Variants in MAFK observed in about 807,000 individuals in gnomAD.
MAFK encodes transcription factor MafK.
Under a neutral mutation model 9.2 loss-of-function variants are expected in MAFK, and 1 was observed. The ratio of observed to expected loss-of-function variants is 0.11; its 90% confidence interval spans 0.04 to 0.52. The LOEUF (loss-of-function observed/expected upper bound fraction) is 0.52. Ranked by LOEUF, MAFK falls within the 20% of genes least tolerant of loss-of-function variation. The probability of loss-of-function intolerance (pLI) is 0.94; values close to 1 mark genes in which losing one functional copy is unlikely to be tolerated. For missense variants in MAFK, 207 were observed against 236.0 expected (o/e 0.88, Z 0.81); for synonymous variants, 110 against 107.4 (o/e 1.02, Z -0.15).
chr7:1,535,336 C>T (rs1440795470), intron 1 of MAFK, among the ~76,000 whole-genome samples: 3 of 152,086 alleles, frequency 2.0e-5, no homozygotes, highest in Non-Finnish European at 4.4e-5. Context: ...CCATGGGTGA[C>T]CAGTGAGTAT....
At position 1,534,237 on chromosome 7, in the gene MAFK, ATCC is replaced by A; in HGVS notation, c.-45+3342_-45+3344del. 3 of 455,498 alleles carry A rather than the reference ATCC, an allele frequency of 6.6e-6. No individual in the cohort carries two copies. The highest frequency in any genetic ancestry group is 4.4e-6 in the Non-Finnish European group (1 of 226,420). 28.2% of individuals were successfully genotyped at this position (455,498 alleles called of 1,614,324 possible). A position where few individuals can be genotyped will look rare whatever the true frequency, so the allele number is the denominator to read the frequency against. On this transcript the variant is annotated intron_variant, in intron 1 of 2. Coordinates refer to ENST00000343242, the MANE Select transcript of MAFK (RefSeq NM_002360.4). This position sits in a 1 kb window ranked among gnomAD's most constrained non-coding sequence, Gnocchi z 4.3. ...GGGGGCCCTCGCAGTGTAGGACCTC[ATCC>A]TCAGTAGGAAGGGTGTCTGGCTGGT...
intron 1 of MAFK, chr7:1,537,507 C>T (rs901698272): frequency 1.2e-5 from 12 of 985,366 alleles, no homozygotes; most frequent in African/African-American, 7.0e-5. Context: ...CCCACGGTGG[C>T]GGAGGCAGCT....
chr7:1,542,311 A>G lies in MAFK; in HGVS notation c.*1936A>G, dbSNP rs934086399. ...CTTTCTTTTCCAGTTTGATACTGTAAATCTATCAGAGCAGAGCCGGGGGCA... is the reference window on the plus strand; with the variant it reads ...CTTTCTTTTCCAGTTTGATACTGTAGATCTATCAGAGCAGAGCCGGGGGCA... On this transcript the variant is annotated 3_prime_UTR_variant, in exon 3 of 3. Transcript: ENST00000343242. 1.8e-4 allele frequency: 27 copies of G among 152,634 alleles called. No individual in the cohort carries two copies. Among genetic ancestry groups the G allele is most frequent in the African/African-American group, 6.5e-4 (27 of 41,474 alleles). 9.5% of individuals were successfully genotyped at this position (152,634 alleles called of 1,614,324 possible).
chr7:1,534,873 C>T lies in MAFK; in HGVS notation c.-45+3975C>T, dbSNP rs542438879. On this transcript the variant is annotated intron_variant, in intron 1 of 2. Coordinates refer to ENST00000343242, the MANE Select transcript of MAFK (RefSeq NM_002360.4). This position sits in a 1 kb window ranked among gnomAD's most constrained non-coding sequence, Gnocchi z 4.3. Reference sequence around the variant, plus strand: ...GGACCGTTCAGAGGGGTCATCCAGCCGTCAGCTGCTCAACTCACTTTTGCA... The same window carrying T: ...GGACCGTTCAGAGGGGTCATCCAGCTGTCAGCTGCTCAACTCACTTTTGCA... The T allele has an allele frequency of 5.3e-5, 16 of 302,900 alleles. No individual in the cohort carries two copies. The highest frequency in any genetic ancestry group is 8.4e-4 in the Middle Eastern group (2 of 2,390). 18.8% of individuals were successfully genotyped at this position (302,900 alleles called of 1,614,324 possible).
Position 1,540,369 on chromosome 7 carries a change from A to T in MAFK, c.465A>T (p.Ala155=). Reference sequence around the variant, plus strand: ...CCACCTCCGTGCCCTTCTCGGCTGCATCCTAGTGCCGGCCGGGGGCGGGGG... The same window carrying T: ...CCACCTCCGTGCCCTTCTCGGCTGCTTCCTAGTGCCGGCCGGGGGCGGGGG... ...LSSTSVPFSA[A]S Residue 155 remains alanine, a synonymous_variant, in exon 3 of 3, where the codon GCA becomes GCT. Coordinates refer to ENST00000343242, the MANE Select transcript of MAFK (RefSeq NM_002360.4). 1 of 1,459,544 alleles carries T rather than the reference A, an allele frequency of 6.9e-7. No individual in the cohort carries two copies. The highest frequency in any genetic ancestry group is 1.5e-5 in the African/African-American group (1 of 67,794). 90.4% of individuals were successfully genotyped at this position (1,459,544 alleles called of 1,614,324 possible). A position where few individuals can be genotyped will look rare whatever the true frequency, so the allele number is the denominator to read the frequency against.
At position 1,540,393 on chromosome 7, in the gene MAFK, G is replaced by A; in HGVS notation, c.*18G>A. ...CATCCTAGTGCCGGCCGGGGGCGGG[G>A]GGTGGCGGGCGGCGGGCGGCGGGCA... On this transcript the variant is annotated 3_prime_UTR_variant, in exon 3 of 3. Transcript: ENST00000343242. 4.7e-6 allele frequency: 7 copies of A among 1,482,098 alleles called. No individual in the cohort carries two copies. The highest frequency in any genetic ancestry group is 5.4e-6 in the Non-Finnish European group (6 of 1,113,138). 91.8% of individuals were successfully genotyped at this position (1,482,098 alleles called of 1,614,324 possible).
At position 1,539,278 on chromosome 7, in the gene MAFK, GCCCCCGGCCCGACAGCC is replaced by G. The variant is rs142562326; in HGVS notation, c.36+53_36+69del. The G allele has an allele frequency of 6.4e-3, 9,653 of 1,498,184 alleles. 405 individuals are homozygous for G. In the African/African-American group the frequency reaches 0.096, roughly 15 times the overall value. 92.8% of individuals were successfully genotyped at this position (1,498,184 alleles called of 1,614,324 possible). On this transcript the variant is annotated intron_variant, in intron 2 of 2. Transcript: ENST00000343242. ...CGTCTCAAGCACAGGCGTGGGAAAG[GCCCCCGGCCCGACAGCC>G]CCTGCTATCCCAGGGCCGTCCTGAG...
chr7:1,531,150 G>A (rs879749361), intron 1 of MAFK, among the ~76,000 whole-genome samples: 2 of 149,228 alleles, frequency 1.3e-5, no homozygotes, highest in Non-Finnish European at 1.5e-5. Flanking sequence ...CGTGCCGCCC[G>A]GGCCATGCTT....
rs1784226724 is a variant in MAFK, at chr7:1,542,763, C to G, written c.*2388C>G. ...TCCGGCTTCCCAAAGAGATCCAGGTCTTTGCGTTTCCAGGGCGTGGGGACC... is the reference window on the plus strand; with the variant it reads ...TCCGGCTTCCCAAAGAGATCCAGGTGTTTGCGTTTCCAGGGCGTGGGGACC... On this transcript the variant is annotated 3_prime_UTR_variant, in exon 3 of 3. Transcript: ENST00000343242. 1 of 152,628 alleles carries G rather than the reference C, an allele frequency of 6.6e-6. No individual in the cohort carries two copies. The highest frequency in any genetic ancestry group is 1.5e-5 in the Non-Finnish European group (1 of 68,050). The allele number at this position is 152,628 out of a possible 1,614,324, so 9.5% of individuals were successfully genotyped here.
rs1340233106 is a variant in MAFK at position 1,534,726 on chromosome 7, C to A, written c.-45+3828C>A. The stretch of plus-strand genomic sequence containing the variant: ...TCACCCCTTGGGCAAGAACAAGTGA[C>A]CCATCCAGAGCCCCCATGCTGGCCT... On this transcript the variant is annotated intron_variant, in intron 1 of 2. Transcript: ENST00000343242. This position sits in a 1 kb window ranked among gnomAD's most constrained non-coding sequence, Gnocchi z 4.3. 2 of 442,990 alleles carry A rather than the reference C, an allele frequency of 4.5e-6. No homozygotes were observed. Among genetic ancestry groups the A allele is most frequent in the Non-Finnish European group, 9.2e-6 (2 of 217,042 alleles). 27.4% of individuals were successfully genotyped at this position (442,990 alleles called of 1,614,324 possible). A position where few individuals can be genotyped will look rare whatever the true frequency, so the allele number is the denominator to read the frequency against.
At position 1,540,495 on chromosome 7, in the gene MAFK, C is replaced by T. The variant is rs1280997073; in HGVS notation, c.*120C>T. 5.3e-5 allele frequency: 54 copies of T among 1,020,072 alleles called. No homozygotes were observed. The highest frequency in any genetic ancestry group is 6.8e-5 in the South Asian group (4 of 59,154). The allele number at this position is 1,020,072 out of a possible 1,614,324, so 63.2% of individuals were successfully genotyped here. A position where few individuals can be genotyped will look rare whatever the true frequency, so the allele number is the denominator to read the frequency against. On this transcript the variant is annotated 3_prime_UTR_variant, in exon 3 of 3. Coordinates refer to ENST00000343242, the MANE Select transcript of MAFK (RefSeq NM_002360.4). ...CATCCGAGTCCAAGCGCAGGCCCCT[C>T]GGGCGCAGGCAGCTCACACCAGGAA... is the stretch of plus-strand genomic sequence containing the variant.
chr7:1,537,619 C>T, intron 1 of MAFK: 13 of 985,612 alleles, frequency 1.3e-5, no homozygotes, highest in Non-Finnish European at 1.6e-5. Context: ...CATCCTGTGC[C>T]ATCTACGTCA....
chr7:1,537,188 G>A lies in MAFK; in HGVS notation c.-44-1961G>A, dbSNP rs561833142. Among the ~76,000 whole-genome samples, 6 of 152,356 alleles carry A rather than the reference G, an allele frequency of 3.9e-5. No individual in the cohort carries two copies. In the East Asian group the frequency reaches 5.8e-4, roughly 15 times the overall value. ...TGAACTCTGCCCCTGGCATCTGGCC[G>A]AGCCCCACACGTCACCGTGGGTCTG... On this transcript the variant is annotated intron_variant, in intron 1 of 2. Transcript: ENST00000343242.
At chr7:1,531,311 C>T (rs1460423467) in intron 1 of MAFK, among the ~76,000 whole-genome samples, 1 of 151,460 alleles carries the variant, frequency 6.6e-6, no homozygotes, top group African/African-American at 2.4e-5. Context: ...AGGGCGCGGG[C>T]GCGTGGATTC....
Position 1,539,155 on chromosome 7 carries a change from G to C in MAFK, c.-38G>C, listed in dbSNP as rs1784109998. 1.2e-6 allele frequency: 2 copies of C among 1,613,006 alleles called. No homozygotes were observed. Among genetic ancestry groups the C allele is most frequent in the Non-Finnish European group, 1.7e-6 (2 of 1,179,474 alleles). On this transcript the variant is annotated 5_prime_UTR_variant, in exon 2 of 3. Coordinates refer to ENST00000343242, the MANE Select transcript of MAFK (RefSeq NM_002360.4). ...GCTTGTCCATGTTTTCCAGCTACGA[G>C]TTCCAGGGAGCTCTGTCCTGGTGAC...
At chr7:1,536,423 G>C (rs1278238175) in intron 1 of MAFK, among the ~76,000 whole-genome samples, 1 of 152,174 alleles carries the variant, frequency 6.6e-6, no homozygotes, top group Non-Finnish European at 1.5e-5. Flanking sequence ...CCCTGCCTTG[G>C]GCCCGGGGTA....
Position 1,534,355 on chromosome 7 carries a change from CT to C in MAFK, c.-45+3459del. ...CAGTGCCACAGCGGCCCCACCTACC[CT>C]TGCGGCCCAGTGTGGAGGGCACCCG... On this transcript the variant is annotated intron_variant, in intron 1 of 2. Coordinates refer to ENST00000343242, the MANE Select transcript of MAFK (RefSeq NM_002360.4). This position sits in a 1 kb window ranked among gnomAD's most constrained non-coding sequence, Gnocchi z 4.3. 2.2e-6 allele frequency: 1 copy of C among 451,988 alleles called. No homozygotes were observed. The highest frequency in any genetic ancestry group is 1.6e-5 in the South Asian group (1 of 64,456). The allele number at this position is 451,988 out of a possible 1,614,324, so 28.0% of individuals were successfully genotyped here. A position where few individuals can be genotyped will look rare whatever the true frequency, so the allele number is the denominator to read the frequency against.
At chr7:1,535,017 C>T (rs1363924498) in intron 1 of MAFK, among the ~76,000 whole-genome samples, 3 of 152,030 alleles carry the variant, frequency 2.0e-5, no homozygotes, top group African/African-American at 7.3e-5. Flanking sequence ...GCAATCCTCC[C>T]ACCTCAGCCT....
intron 1 of MAFK, chr7:1,537,283 G>GGGGGCCCA: frequency 2.8e-6 from 2 of 709,778 alleles, no homozygotes; most frequent in Non-Finnish European, 3.5e-6. Context: ...CAGTGGGCCC[G>GGGGGCCCA]GGGGCCCAGG....
Sources: gnomAD v4.1 joint callset for allele counts (sites outside exome capture counted in the v4.1 genomes callset) on GRCh38, gnomAD v4.1.1 for gene constraint, Gnocchi (gnomAD v3.1) non-coding constraint, MANE v1.5 for transcripts, NCBI Gene and HGNC (gene_info 2026-07-23, HGNC 2026-07-21) for gene names.